The following PAPSS2 variants were observed in gnomAD, a reference collection of about 807,000 sequenced individuals.
The protein encoded by PAPSS2 is bifunctional 3'-phosphoadenosine 5'-phosphosulfate synthase 2.
Under a neutral mutation model 66.5 loss-of-function variants are expected in PAPSS2, and 61 were observed. The ratio of observed to expected loss-of-function variants is 0.92; its 90% CI spans 0.75 to 1.14. PAPSS2 has a LOEUF of 1.14. Among genes scored for constraint, PAPSS2 ranks in the 50% most tolerant of loss-of-function variants. The pLI, the probability that PAPSS2 is intolerant of heterozygous loss-of-function variation, is 0.00. For synonymous variants in PAPSS2, 289 were observed against 287.5 expected, an observed-to-expected ratio of 1.01 and a Z score of -0.05; for missense variants, 708 against 789.6, an observed-to-expected ratio of 0.90 and a Z score of 1.24.
intron 1 of PAPSS2, among the ~76,000 whole-genome samples, chr10:87,671,915 T>C (rs1852883445): frequency 1.3e-5 from 2 of 152,168 alleles, no homozygotes; most frequent in South Asian, 4.1e-4. Context: ...GTTACACATT[T>C]CAGGAGACTC....
At chr10:87,725,247 A>AT (rs992058533) in intron 8 of PAPSS2, among the ~76,000 whole-genome samples, 2 of 152,196 alleles carry the variant, frequency 1.3e-5, no homozygotes, top group African/African-American at 2.4e-5. Flanking sequence ...TTCTATGTGT[A>AT]TTTTTTCAGT....
chr10:87,712,551 GCTCAAGGGGTCTTCCTAC>G (rs946051854), intron 2 of PAPSS2, among the ~76,000 whole-genome samples: 3 of 152,150 alleles, frequency 2.0e-5, no homozygotes, highest in African/African-American at 7.2e-5. Flanking sequence ...GACTTCCCAG[GCTCAAGGGGTCTTCCTAC>G]CTCAGCCTCC....
intron 1 of PAPSS2, among the ~76,000 whole-genome samples, chr10:87,662,896 CAG>C (rs1852769998): frequency 6.7e-6 from 1 of 150,284 alleles, no homozygotes; most frequent in African/African-American, 2.4e-5. Context: ...TTTTTTGAGA[CAG>C]AGTCTCACTC....
rs367885911 is a variant in PAPSS2 at position 87,713,312 on chromosome 10, T to TAAAAAAAAAAAAAAAAAAAAAAAAAAAA, written c.381+24_381+25insAAAAAAAAAAAAAAAAAAAAAAAAAAAA. ...AGCTTTATTTCTCCATTCGCAAAGG[T>TAAAAAAAAAAAAAAAAAAAAAAAAAAAA]AAAAAAAAAAAAAAAAAAAAAAGGC... On this transcript the variant is annotated splice_region_variant and intron_variant, in intron 3 of 12. Transcript: ENST00000456849. 1.2e-4 allele frequency: 68 copies of TAAAAAAAAAAAAAAAAAAAAAAAAAAAA among 575,148 alleles called. 4 individuals carry two copies. In the East Asian group the frequency reaches 2.2e-3, roughly 18 times the overall value. 35.6% of individuals were successfully genotyped at this position (575,148 alleles called of 1,614,324 possible).
At chr10:87,721,921 C>T (rs1853603332) in intron 8 of PAPSS2, among the ~76,000 whole-genome samples, 151 bp downstream of exon 8, 1 of 152,164 alleles carries the variant, frequency 6.6e-6, no homozygotes, top group Admixed American at 6.6e-5. Flanking sequence ...AGTAGAATAA[C>T]ACTGTATTTT....
At chr10:87,688,451 A>AT (rs756708808) in intron 1 of PAPSS2, among the ~76,000 whole-genome samples, 26 of 93,854 alleles carry the variant, frequency 2.8e-4, no homozygotes, top group African/African-American at 5.0e-4. Flanking sequence ...TATTTTATTT[A>AT]TTTATTTATT....
At chr10:87,717,162 T>C (rs1034932629) in intron 7 of PAPSS2, among the ~76,000 whole-genome samples, 4 of 152,190 alleles carry the variant, frequency 2.6e-5, no homozygotes, top group African/African-American at 9.7e-5. Context: ...TTTATCTTGG[T>C]GTCTTGATTT....
chr10:87,703,146 A>G (rs1357046635), intron 1 of PAPSS2, among the ~76,000 whole-genome samples: 1 of 152,198 alleles, frequency 6.6e-6, no homozygotes, highest in East Asian at 1.9e-4. Context: ...CGAAGTGTTC[A>G]TGACTCTGTG....
intron 1 of PAPSS2, among the ~76,000 whole-genome samples, chr10:87,672,377 G>A (rs971341398): frequency 1.5e-4 from 23 of 152,198 alleles, no homozygotes; most frequent in Non-Finnish European, 2.5e-4. Context: ...CGTGAACTAA[G>A]TGATTTAGCT....
intron 8 of PAPSS2, 25 bp from the exon 9 acceptor site, chr10:87,727,259 G>A (rs376867519): frequency 9.2e-5 from 147 of 1,598,582 alleles, no homozygotes; most frequent in South Asian, 3.0e-4. Flanking sequence ...TCTAGTTTTC[G>A]TGCATCACAT....
At chr10:87,727,191 TG>T in intron 8 of PAPSS2, 92 bp from the exon 9 acceptor site, 1 of 1,069,334 alleles carries the variant, frequency 9.4e-7, no homozygotes, top group Non-Finnish European at 1.4e-6. Context: ...TTGAAGGAAA[TG>T]TTTGGAAGGG....
At chr10:87,744,973 C>T (rs898916288) in intron 11 of PAPSS2, 29 bp from the exon 12 acceptor site, 1 of 1,588,272 alleles carries the variant, frequency 6.3e-7, no homozygotes, top group Non-Finnish European at 8.6e-7. Flanking sequence ...CCCACAATGA[C>T]CAGCATGTCC....
intron 1 of PAPSS2, among the ~76,000 whole-genome samples, chr10:87,701,384 CTTTCT>C (rs1564716820): frequency 1.5e-5 from 1 of 65,234 alleles, no homozygotes; most frequent in African/African-American, 7.7e-5. Flanking sequence ...TTCTTTCTTT[CTTTCT>C]TTCTTTCTCT....
In PAPSS2 at chr10:87,706,100, ATATATATATGTGTGTGTG is replaced by A. The variant is rs1251603600; in HGVS notation, c.28-3094_28-3077del. ...CTTCACATGGTATATATATATATAT[ATATATATATGTGTGTGTG>A]TGTGTGTGTGTGTGTGTGTGTGTAT... On this transcript the variant is annotated intron_variant, in intron 1 of 12. Coordinates refer to ENST00000456849, the MANE Select transcript of PAPSS2 (RefSeq NM_001015880.2). Among the ~76,000 whole-genome samples the A allele has an allele frequency of 1.1e-4, 9 of 80,340 alleles. 1 individual carries two copies. The highest frequency in any genetic ancestry group is 1.8e-4 in the Non-Finnish European group (8 of 44,924). The allele number at this position is 80,340 out of a possible 152,430, so 52.7% of individuals were successfully genotyped here. A position where few individuals can be genotyped will look rare whatever the true frequency, so the allele number is the denominator to read the frequency against.
intron 9 of PAPSS2, among the ~76,000 whole-genome samples, chr10:87,732,152 A>G (rs879891802): frequency 1.3e-5 from 2 of 152,216 alleles, no homozygotes; most frequent in African/African-American, 2.4e-5. Flanking sequence ...GTCAGCAGCT[A>G]TTAACACAAG....
At chr10:87,669,774 A>C (rs1852854594) in intron 1 of PAPSS2, among the ~76,000 whole-genome samples, 1 of 152,166 alleles carries the variant, frequency 6.6e-6, no homozygotes, top group Non-Finnish European at 1.5e-5. Context: ...TCCAAAGGGA[A>C]CTCATTTAAC....
chr10:87,744,131 C>G (rs1853908655), intron 11 of PAPSS2, among the ~76,000 whole-genome samples: 1 of 151,962 alleles, frequency 6.6e-6, no homozygotes, highest in Non-Finnish European at 1.5e-5. Flanking sequence ...CTAGAAACAT[C>G]AAATCAAACC....
chr10:87,721,089 A>G (rs1225106371), intron 7 of PAPSS2, among the ~76,000 whole-genome samples: 2 of 152,186 alleles, frequency 1.3e-5, no homozygotes, highest in Admixed American at 6.5e-5. Flanking sequence ...ACCAGCACTT[A>G]TTGAGCACCA....
intron 2 of PAPSS2, among the ~76,000 whole-genome samples, chr10:87,709,646 C>T (rs1853441063): frequency 6.6e-6 from 1 of 152,198 alleles, no homozygotes; most frequent in Non-Finnish European, 1.5e-5. Context: ...CATCCCTAAA[C>T]ATATTTACTG....
Sources: allele counts gnomAD v4.1 joint callset (sites outside exome capture counted in the v4.1 genomes callset), GRCh38; gene constraint gnomAD v4.1.1; transcripts MANE v1.5; gene names NCBI Gene and HGNC (gene_info 2026-07-23, HGNC 2026-07-21).